The following DMD variants were observed in gnomAD, a reference collection of about 807,000 sequenced individuals.
DMD encodes mutant dystrophin.
A neutral mutation model predicts 330.1 loss-of-function variants in DMD; 63 were observed. That is an observed-to-expected ratio of 0.19 (90% CI 0.16 to 0.24). DMD has a LOEUF of 0.24. DMD is among the 10% of genes least tolerant of loss of function. DMD has a pLI of 1.00. For synonymous variants in DMD, 1,223 were observed against 959.8 expected, an observed-to-expected ratio of 1.27 and a Z score of -5.07; for missense variants, 3,344 against 2,684.1, an observed-to-expected ratio of 1.25 and a Z score of -5.43.
chrX:32,480,618 ATG>A (rs2041787157), intron 21 of DMD, among the ~76,000 whole-genome samples: 1 of 111,252 alleles, frequency 9.0e-6, no homozygotes, highest in East Asian at 2.8e-4. Flanking sequence ...CATACACAGT[ATG>A]TGTATATATG....
At chrX:32,997,478 T>C (rs1292790303) in intron 2 of DMD, among the ~76,000 whole-genome samples, 1 of 111,914 alleles carries the variant, frequency 8.9e-6, no homozygotes, top group East Asian at 2.8e-4. Context: ...ACTCCTGACC[T>C]CGTGATCTGC....
rs1037385690 is a variant in DMD, at chrX:31,663,194, C to T, written c.7873-5050G>A. 7.2e-5 allele frequency among the ~76,000 whole-genome samples: 8 copies of T among 111,873 alleles called. No individual in the cohort carries two copies. The East Asian group carries it at 8.5e-4, about 12-fold the overall frequency. On this transcript the variant is annotated intron_variant, in intron 53 of 78. Coordinates refer to ENST00000357033, the MANE Select transcript of DMD (RefSeq NM_004006.3). ...GTCTTGGCAGTATCTCCTTTGTCTC[C>T]GTTTCCCACTGGACGGCTGCTCCCT...
At chrX:32,927,359 CTTTCTTTT>C (rs1233493432) in intron 2 of DMD, among the ~76,000 whole-genome samples, 25 of 62,156 alleles carry the variant, frequency 4.0e-4, no homozygotes, top group African/African-American at 1.3e-3. Flanking sequence ...TTCCTTCTTT[CTTTCTTTT>C]TTTTTTTTTT....
chrX:32,832,363 A>G (rs1308242116), intron 4 of DMD, among the ~76,000 whole-genome samples: 1 of 111,891 alleles, frequency 8.9e-6, no homozygotes, highest in Non-Finnish European at 1.9e-5. Flanking sequence ...GAAAATTATT[A>G]TGTAAATATC....
rs767608351 is a variant in DMD at position 32,216,884 on chromosome X, TACAATTTCGAAAAA to T, written c.6438+18_6438+31del. Reference sequence around the variant, plus strand: ...AGAGTCCAGATGTGCTGAAGATAAATACAATTTCGAAAAAACAAATCAAAGACTTACCTTAAGAT... The same window carrying T: ...AGAGTCCAGATGTGCTGAAGATAAATACAAATCAAAGACTTACCTTAAGAT... On this transcript the variant is annotated intron_variant, in intron 44 of 78. Transcript: ENST00000357033. 5.1e-6 allele frequency: 6 copies of T among 1,183,460 alleles called. No individual in the cohort carries two copies. Among genetic ancestry groups the T allele is most frequent in the Non-Finnish European group, 6.9e-6 (6 of 871,416 alleles).
Position 32,077,522 on chromosome X carries a change from A to T in DMD, c.6439-109008T>A, listed in dbSNP as rs1461169589. Among the ~76,000 whole-genome samples, 15 of 111,722 alleles carry T rather than the reference A, an allele frequency of 1.3e-4. No individual in the cohort carries two copies. The Admixed American group carries it at 1.4e-3, about 11-fold the overall frequency. On this transcript the variant is annotated intron_variant, in intron 44 of 78. Coordinates refer to ENST00000357033, the MANE Select transcript of DMD (RefSeq NM_004006.3). ...ATTCTAATGGGGAAAATAACTTCTT[A>T]AAGCTTCCTTGCTAACACTTAAATC...
intron 76 of DMD, among the ~76,000 whole-genome samples, chrX:31,140,442 T>C (rs1440929731): frequency 1.8e-5 from 2 of 112,639 alleles, no homozygotes; most frequent in Non-Finnish European, 3.7e-5. Context: ...TGATGTGTTA[T>C]TATCTTAGTA....
intron 2 of DMD, among the ~76,000 whole-genome samples, chrX:32,858,631 T>C (rs73464819): frequency 0.15 from 16,706 of 111,198 alleles, 1,124 homozygotes; most frequent in Admixed American, 0.25. Flanking sequence ...CCTGGACTTA[T>C]GTAAAAGTAA....
chrX:31,424,682 C>T (rs1335780815), intron 60 of DMD, among the ~76,000 whole-genome samples: 1 of 112,411 alleles, frequency 8.9e-6, no homozygotes, highest in Non-Finnish European at 1.9e-5. Flanking sequence ...CTTAGCTTAG[C>T]TTCTCTTTCA....
At chrX:31,824,547 G>A (rs2092850186) in intron 49 of DMD, among the ~76,000 whole-genome samples, 1 of 111,569 alleles carries the variant, frequency 9.0e-6, no homozygotes, top group Non-Finnish European at 1.9e-5. Flanking sequence ...CACTGCGCCC[G>A]GCCATGGGTG....
intron 55 of DMD, among the ~76,000 whole-genome samples, chrX:31,568,213 C>A (rs959598457): frequency 9.0e-6 from 1 of 111,171 alleles, no homozygotes; most frequent in Non-Finnish European, 1.9e-5. Flanking sequence ...GTGAATGTTT[C>A]ATGAGAGCTT....
chrX:32,623,832 T>C lies in DMD; in HGVS notation c.1332-9379A>G, dbSNP rs888619847. Among the ~76,000 whole-genome samples, 3 of 112,075 alleles carry C rather than the reference T, an allele frequency of 2.7e-5. No individual in the cohort carries two copies. The East Asian group carries it at 8.4e-4, about 31-fold the overall frequency. The stretch of plus-strand genomic sequence containing the variant: ...GTGAGCCACCGCACCTAGCTACTGT[T>C]ATTTTATTTCTGAGGATAGTGGTAG... On this transcript the variant is annotated intron_variant, in intron 11 of 78. Transcript: ENST00000357033.
At chrX:32,072,224 C>T (rs1921379) in intron 44 of DMD, among the ~76,000 whole-genome samples, 6,327 of 110,685 alleles carry the variant, frequency 0.057, 232 homozygotes, top group East Asian at 0.29. Context: ...TATTAAAAAC[C>T]CTTTGCTCTC....
chrX:32,451,674 A>T (rs2098330715), intron 26 of DMD, among the ~76,000 whole-genome samples: 2 of 110,762 alleles, frequency 1.8e-5, no homozygotes, highest in Non-Finnish European at 3.8e-5. Flanking sequence ...TATCAGGGAG[A>T]GATGTCAAAA....
chrX:31,793,234 G>C (rs2091662484), intron 50 of DMD, among the ~76,000 whole-genome samples: 1 of 110,764 alleles, frequency 9.0e-6, no homozygotes, highest in Admixed American at 9.6e-5. Context: ...TTTAGAAAAA[G>C]GCAACATTCG....
At chrX:31,731,079 C>T (rs952160007) in intron 51 of DMD, among the ~76,000 whole-genome samples, 1 of 111,592 alleles carries the variant, frequency 9.0e-6, no homozygotes, top group Admixed American at 9.5e-5. Flanking sequence ...AAAAACTTTT[C>T]CAAACATTGT....
At chrX:31,471,089 G>A (rs949850960) in intron 59 of DMD, among the ~76,000 whole-genome samples, 12 of 111,631 alleles carry the variant, frequency 1.1e-4, no homozygotes, top group African/African-American at 3.3e-4. Flanking sequence ...GCTGGGCTCC[G>A]TTGGGGGTGG....
chrX:32,662,259 T>A (rs888841204), intron 9 of DMD, among the ~76,000 whole-genome samples: 1 of 111,543 alleles, frequency 9.0e-6, no homozygotes, highest in Non-Finnish European at 1.9e-5. Context: ...AATTAAAATA[T>A]GTTAAACTCC....
At chrX:32,173,101 GTGTGTA>G (rs2096893898) in intron 44 of DMD, among the ~76,000 whole-genome samples, 2 of 107,719 alleles carry the variant, frequency 1.9e-5, no homozygotes, top group Non-Finnish European at 3.8e-5. Flanking sequence ...GTGTGTGTGT[GTGTGTA>G]TGTGTGTACT....
Sources: allele counts gnomAD v4.1 joint callset (sites outside exome capture counted in the v4.1 genomes callset), GRCh38; gene constraint gnomAD v4.1.1; transcripts MANE v1.5; gene names NCBI Gene and HGNC (gene_info 2026-07-23, HGNC 2026-07-21).